The following BROX variants were observed in gnomAD, a reference collection of about 807,000 sequenced individuals.
The protein encoded by BROX is BRO1 domain-containing protein BROX.
Under a neutral mutation model 61.0 loss-of-function variants are expected in BROX, and 53 were observed. That is an observed-to-expected ratio of 0.87 (90% CI 0.70 to 1.09). BROX has a LOEUF of 1.09. Among genes scored for constraint, BROX ranks in the 50% least tolerant of loss-of-function variants. The pLI is 0.00. For missense variants in BROX, 489 were observed against 472.0 expected, an observed-to-expected ratio of 1.04 and a Z score of -0.33; for synonymous variants, 152 against 160.2, an observed-to-expected ratio of 0.95 and a Z score of 0.38.
chr1:222,719,204 G>T, intron 3 of BROX, 59 bp from the exon 4 acceptor site: 1 of 1,385,150 alleles, frequency 7.2e-7, no homozygotes, highest in South Asian at 1.2e-5. Flanking sequence ...TTTCCAAACA[G>T]AACACTCAAT....
intron 10 of BROX, 78 bp downstream of exon 10, chr1:222,729,779 G>A: frequency 7.1e-7 from 1 of 1,404,674 alleles, no homozygotes; most frequent in Non-Finnish European, 9.8e-7. Context: ...TATGCTTAAA[G>A]AGATTTTGGC....
intron 12 of BROX, among the ~76,000 whole-genome samples, chr1:222,732,243 T>A (rs902895209): frequency 6.6e-6 from 1 of 152,284 alleles, no homozygotes; most frequent in East Asian, 1.9e-4. Context: ...CTTTAAGTTT[T>A]AGGGTACATG....
Position 222,719,272 on chromosome 1 carries a change from A to G in BROX, c.218A>G (p.Asn73Ser). 1.3e-6 allele frequency: 2 copies of G among 1,585,158 alleles called. No homozygotes were observed. Among genetic ancestry groups the G allele is most frequent in the Non-Finnish European group, 1.7e-6 (2 of 1,154,188 alleles). The change falls in exon 4 of 13, where the codon AAT becomes AGT. Residue 73 changes from asparagine (N) to serine (S), a missense_variant. By Grantham distance (46) the Asn-to-Ser change is conservative. Transcript: ENST00000340934. ...TTGTACTTTTCTATAGGTTTCATAA[A>G]TTCTTTGGATGAATCTACCCAAGAA... Reference protein sequence around the residue: ...SYFSLLQGFINSLDESTQESK... With the variant: ...SYFSLLQGFISSLDESTQESK...
chr1:222,717,468 T>C (rs565819153), intron 2 of BROX, among the ~76,000 whole-genome samples: 1 of 152,340 alleles, frequency 6.6e-6, no homozygotes, highest in South Asian at 2.1e-4. Context: ...AGTTGAGCTG[T>C]AGGTGATGAT....
At chr1:222,729,724 T>C in intron 10 of BROX, 23 bp downstream of exon 10, 2 of 1,587,868 alleles carry the variant, frequency 1.3e-6, no homozygotes, top group Non-Finnish European at 1.7e-6. Context: ...GCCAGAATAT[T>C]AACTCCCCTT....
rs1455068766 is a variant in BROX at position 222,722,291 on chromosome 1, C to T, written c.306-128C>T. On this transcript the variant is annotated intron_variant, in intron 4 of 12. Transcript: ENST00000340934. ...CTTATCTCCCCATCTATATTAAACACAACCATTTTCCTCATACATACCAGT... is the reference window on the plus strand; with the variant it reads ...CTTATCTCCCCATCTATATTAAACATAACCATTTTCCTCATACATACCAGT... 6 of 746,252 alleles carry T rather than the reference C, an allele frequency of 8.0e-6. No individual in the cohort carries two copies. The African/African-American group carries it at 8.9e-5, about 11-fold the overall frequency. The allele number at this position is 746,252 out of a possible 1,614,324, so 46.2% of individuals were successfully genotyped here.
intron 8 of BROX, among the ~76,000 whole-genome samples, chr1:222,728,019 T>C (rs1199271709): frequency 6.6e-6 from 1 of 152,098 alleles, no homozygotes; most frequent in African/African-American, 2.4e-5. Flanking sequence ...GGAGAAGAGT[T>C]TGAAAAAGTA....
At position 222,728,831 on chromosome 1, in the gene BROX, A is replaced by G; in HGVS notation, c.756+3A>G. On this transcript the variant is annotated splice_donor_region_variant and intron_variant, in intron 9 of 12. Transcript: ENST00000340934. ...AGATGTGTTTCTACACAGCTTATGTAAGTATTCACAACGCTAAAAACAATG... is the reference window on the plus strand; with the variant it reads ...AGATGTGTTTCTACACAGCTTATGTGAGTATTCACAACGCTAAAAACAATG... The G allele has an allele frequency of 6.4e-7, 1 of 1,571,206 alleles. No individual in the cohort carries two copies. The highest frequency in any genetic ancestry group is 1.1e-5 in the South Asian group (1 of 87,192).
At position 222,733,274 on chromosome 1, in the gene BROX, T is replaced by G. The variant is rs930743993; in HGVS notation, c.*560T>G. ...TTTTGTATTTTTAGTAGAGACGTGATTTCACCATGTTGGCCAGGCTGGTCT... is the reference window on the plus strand; with the variant it reads ...TTTTGTATTTTTAGTAGAGACGTGAGTTCACCATGTTGGCCAGGCTGGTCT... On this transcript the variant is annotated 3_prime_UTR_variant, in exon 13 of 13. Coordinates refer to ENST00000340934, the MANE Select transcript of BROX (RefSeq NM_144695.4). 6.6e-6 allele frequency: 1 copy of G among 152,270 alleles called. No homozygotes were observed. The highest frequency in any genetic ancestry group is 6.6e-5 in the Admixed American group (1 of 15,248). The allele number at this position is 152,270 out of a possible 1,614,324, so 9.4% of individuals were successfully genotyped here. A position where few individuals can be genotyped will look rare whatever the true frequency, so the allele number is the denominator to read the frequency against.
rs776481981 is a variant in BROX, at chr1:222,719,308, G to T, written c.254G>T (p.Arg85Leu). 2.5e-6 allele frequency: 4 copies of T among 1,609,092 alleles called. No homozygotes were observed. The highest frequency in any genetic ancestry group is 3.4e-6 in the Non-Finnish European group (4 of 1,175,610). The change falls in exon 4 of 13, where the codon CGA (arginine) becomes CTA (leucine). Residue 85 changes from arginine (R) to leucine (L), a missense_variant. Arg to Leu is a moderately radical substitution (Grantham distance 102). Coordinates refer to ENST00000340934, the MANE Select transcript of BROX (RefSeq NM_144695.4). The part of the protein sequence containing the change: ...LDESTQESKL[R>L]YIQNFKWTDT... ...GAATCTACCCAAGAAAGCAAGTTACGATATATTCAAAATTTCAAGTGGACT... is the reference window on the plus strand; with the variant it reads ...GAATCTACCCAAGAAAGCAAGTTACTATATATTCAAAATTTCAAGTGGACT...
intron 5 of BROX, 90 bp downstream of exon 5, chr1:222,722,604 C>A: frequency 1.1e-6 from 1 of 918,312 alleles, no homozygotes; most frequent in Non-Finnish European, 1.7e-6. Flanking sequence ...TAAAAAGTAC[C>A]ACTTTGGATG....
chr1:222,723,116 A>G (rs1368670661), intron 5 of BROX, among the ~76,000 whole-genome samples: 3 of 152,214 alleles, frequency 2.0e-5, no homozygotes, highest in South Asian at 2.1e-4. Flanking sequence ...AATGATGTCA[A>G]ATTGTATGTG....
chr1:222,722,093 C>T (rs1393073094), intron 4 of BROX, among the ~76,000 whole-genome samples: 2 of 152,192 alleles, frequency 1.3e-5, no homozygotes, highest in Non-Finnish European at 2.9e-5. Context: ...AAATACGATT[C>T]TAAGCCCCAT....
At chr1:222,714,175 T>A (rs566996347) in intron 1 of BROX, among the ~76,000 whole-genome samples, 12 of 151,716 alleles carry the variant, frequency 7.9e-5, no homozygotes, top group African/African-American at 2.7e-4. Context: ...TCTGCTGCAC[T>A]ACCTACCCAA....
chr1:222,728,206 G>T (rs1303158794), intron 8 of BROX, among the ~76,000 whole-genome samples: 1 of 152,142 alleles, frequency 6.6e-6, no homozygotes, highest in Non-Finnish European at 1.5e-5. Flanking sequence ...TAGCACTTAA[G>T]AAATTCTTAA....
intron 4 of BROX, among the ~76,000 whole-genome samples, chr1:222,722,020 T>A (rs1657134595): frequency 6.6e-6 from 1 of 152,168 alleles, no homozygotes; most frequent in Admixed American, 6.5e-5. Context: ...CTCCTCTGAA[T>A]TTGATTTTTC....
At chr1:222,728,260 G>C (rs150108973) in intron 8 of BROX, among the ~76,000 whole-genome samples, 1 of 152,134 alleles carries the variant, frequency 6.6e-6, no homozygotes, top group Non-Finnish European at 1.5e-5. Flanking sequence ...ATACAGCAAC[G>C]TAGCAAATAG....
At chr1:222,726,088 CT>C (rs1363562237) in intron 7 of BROX, among the ~76,000 whole-genome samples, 1 of 152,182 alleles carries the variant, frequency 6.6e-6, no homozygotes, top group African/African-American at 2.4e-5. Flanking sequence ...CATGTTATTT[CT>C]GATAGTACAA....
chr1:222,730,081 G>T lies in BROX; in HGVS notation c.893G>T (p.Gly298Val), dbSNP rs1657822893. 1 of 1,613,484 alleles carries T rather than the reference G, an allele frequency of 6.2e-7. No individual in the cohort carries two copies. Among genetic ancestry groups the T allele is most frequent in the East Asian group, 2.2e-5 (1 of 44,826 alleles). The change falls in exon 11 of 13, where the codon GGA becomes GTA. Residue 298 changes from glycine (G) to valine (V), a missense_variant. Physicochemically the swap from Gly to Val is moderately radical, Grantham distance 109. Transcript: ENST00000340934. ...GAATATGGAGAAACCAAAGGACCTG[G>T]ACCAACAGTCAAACCTTCAGGACAT... Reference protein sequence around the residue: ...CKEYGETKGPGPTVKPSGHLF... With the variant: ...CKEYGETKGPVPTVKPSGHLF...
Sources: gnomAD v4.1 joint callset for allele counts (sites outside exome capture counted in the v4.1 genomes callset) on GRCh38, gnomAD v4.1.1 for gene constraint, MANE v1.5 for transcripts, NCBI Gene and HGNC (gene_info 2026-07-23, HGNC 2026-07-21) for gene names.